Variants in RBFOX1 observed in about 807,000 individuals in gnomAD.
RBFOX1 encodes the protein RNA binding protein fox-1 homolog 1.
RBFOX1 carries 8 observed loss-of-function variants against 57.7 expected under a neutral mutation model. That is an observed-to-expected ratio of 0.14 (90% confidence interval 0.08 to 0.25). The LOEUF is 0.25. Ranked by LOEUF, RBFOX1 falls within the 10% of genes least tolerant of loss-of-function variation. RBFOX1 has a pLI of 1.00. For missense variants in RBFOX1, 611 were observed against 548.5 expected (o/e 1.11, Z -1.14); for synonymous variants, 326 against 222.4 (o/e 1.47, Z -4.15).
intron 4 of RBFOX1, among the ~76,000 whole-genome samples, chr16:7,453,699 GT>G (rs1432705541): frequency 6.6e-6 from 1 of 152,170 alleles, no homozygotes; most frequent in Non-Finnish European, 1.5e-5. Flanking sequence ...GGGTGCCTGA[GT>G]GTAAGACAGC....
At chr16:6,712,210 A>G (rs1364129447) in intron 3 of RBFOX1, among the ~76,000 whole-genome samples, 2 of 152,168 alleles carry the variant, frequency 1.3e-5, no homozygotes, top group East Asian at 1.9e-4. Flanking sequence ...TGTTTCAGCT[A>G]TGGTCAGCAA....
chr16:6,206,145 C>G (rs151297652), intron 1 of RBFOX1, among the ~76,000 whole-genome samples: 2 of 152,060 alleles, frequency 1.3e-5, no homozygotes, highest in Non-Finnish European at 2.9e-5. Flanking sequence ...AGGAAGAAAA[C>G]TTCTTACTAT....
intron 1 of RBFOX1, among the ~76,000 whole-genome samples, chr16:5,452,875 C>T (rs1327441186): frequency 1.3e-5 from 2 of 151,922 alleles, no homozygotes; most frequent in Non-Finnish European, 2.9e-5. Flanking sequence ...TCTTGTGATC[C>T]ACCTGCTCGG....
At chr16:6,982,800 C>G (rs985289854) in intron 3 of RBFOX1, among the ~76,000 whole-genome samples, 2 of 152,078 alleles carry the variant, frequency 1.3e-5, no homozygotes. Flanking sequence ...CAAGACCAGC[C>G]TGGCCAACAT....
chr16:6,269,010 G>T (rs543277243), intron 1 of RBFOX1, among the ~76,000 whole-genome samples: 15 of 152,184 alleles, frequency 9.9e-5, no homozygotes, highest in African/African-American at 3.6e-4. Flanking sequence ...CTCACTTCAA[G>T]CATTTATCAT....
intron 3 of RBFOX1, among the ~76,000 whole-genome samples, chr16:5,660,557 G>A (rs2049611982): frequency 6.6e-6 from 1 of 152,176 alleles, no homozygotes; most frequent in East Asian, 1.9e-4. Context: ...CTGATTGGGT[G>A]TTCTCATCAT....
chr16:7,081,136 G>T (rs892006417), intron 4 of RBFOX1, among the ~76,000 whole-genome samples: 1 of 152,276 alleles, frequency 6.6e-6, no homozygotes, highest in Non-Finnish European at 1.5e-5. Context: ...CCAGGTTGAA[G>T]CGATTCTCCT....
At chr16:6,954,939 T>A (rs530258392) in intron 3 of RBFOX1, among the ~76,000 whole-genome samples, 1 of 152,146 alleles carries the variant, frequency 6.6e-6, no homozygotes, top group Admixed American at 6.6e-5. Context: ...GGCATCAAAT[T>A]TAATATGAAG....
At chr16:6,040,369 C>A (rs1336843047) in intron 1 of RBFOX1, among the ~76,000 whole-genome samples, 1 of 152,204 alleles carries the variant, frequency 6.6e-6, no homozygotes, top group African/African-American at 2.4e-5. Context: ...TCATTCCTTC[C>A]TTCCCTAGTC....
At chr16:6,303,736 G>A (rs368923056) in intron 1 of RBFOX1, among the ~76,000 whole-genome samples, 1 of 151,608 alleles carries the variant, frequency 6.6e-6, no homozygotes, top group African/African-American at 2.4e-5. Context: ...AGCACTTTGG[G>A]AGGCCGAGGA....
chr16:7,151,614 A>C (rs1223232501), intron 4 of RBFOX1, among the ~76,000 whole-genome samples: 14 of 152,196 alleles, frequency 9.2e-5, no homozygotes, highest in Non-Finnish European at 2.1e-4. Flanking sequence ...GAATGATTTC[A>C]GGATGATTTA....
intron 2 of RBFOX1, among the ~76,000 whole-genome samples, chr16:6,653,422 A>T (rs1029624021): frequency 6.6e-6 from 1 of 152,194 alleles, no homozygotes; most frequent in African/African-American, 2.4e-5. Flanking sequence ...AAGAGTTGCT[A>T]AAGAAATATC....
chr16:6,786,432 G>C (rs1441730935), intron 3 of RBFOX1, among the ~76,000 whole-genome samples: 1 of 152,154 alleles, frequency 6.6e-6, no homozygotes, highest in Non-Finnish European at 1.5e-5. Flanking sequence ...GGTAGATCAA[G>C]TGGAAGAAAC....
chr16:5,868,306 T>C (rs544367795), intron 4 of RBFOX1, among the ~76,000 whole-genome samples: 38 of 151,764 alleles, frequency 2.5e-4, no homozygotes, highest in African/African-American at 9.3e-4. Flanking sequence ...ACCCTAAGCA[T>C]GTGGAGGTAT....
chr16:6,316,215 A>T (rs1016739095), intron 1 of RBFOX1, among the ~76,000 whole-genome samples: 2 of 151,564 alleles, frequency 1.3e-5, no homozygotes, highest in Admixed American at 6.6e-5. Flanking sequence ...CATCTTTCAG[A>T]TCTACCAGAA....
intron 14 of RBFOX1, among the ~76,000 whole-genome samples, chr16:7,706,355 A>G (rs973381078): frequency 3.3e-5 from 5 of 152,206 alleles, no homozygotes; most frequent in Non-Finnish European, 7.3e-5. Flanking sequence ...GAGTAGTTCA[A>G]TGCTGCTGTA....
At chr16:7,420,822 A>G (rs574822905) in intron 4 of RBFOX1, among the ~76,000 whole-genome samples, 1 of 149,758 alleles carries the variant, frequency 6.7e-6, no homozygotes, top group South Asian at 2.1e-4. Flanking sequence ...TGAGTACTTT[A>G]AAGAATTATT....
intron 4 of RBFOX1, among the ~76,000 whole-genome samples, chr16:7,174,480 C>A (rs2081282407): frequency 6.6e-6 from 1 of 152,084 alleles, no homozygotes; most frequent in Non-Finnish European, 1.5e-5. Context: ...TAAGTTTGAG[C>A]TTAAGAAACC....
intron 1 of RBFOX1, among the ~76,000 whole-genome samples, chr16:6,206,931 C>T (rs2097259208): frequency 6.6e-6 from 1 of 150,860 alleles, no homozygotes; most frequent in Non-Finnish European, 1.5e-5. Context: ...ATGGTGAGCA[C>T]CTTGTAATAC....
Sources: allele counts gnomAD v4.1 joint callset (sites outside exome capture counted in the v4.1 genomes callset), GRCh38; gene constraint gnomAD v4.1.1; transcripts MANE v1.5; gene names NCBI Gene and HGNC (gene_info 2026-07-23, HGNC 2026-07-21).